SV2B: variants seen among roughly 807,000 people sequenced by gnomAD.
SV2B encodes solute carrier family 22 member B2.
Under a neutral mutation model 73.9 loss-of-function variants are expected in SV2B, and 41 were observed. The ratio of observed to expected loss-of-function variants is 0.56; its 90% confidence interval spans 0.43 to 0.72. SV2B has a LOEUF of 0.72. SV2B is among the 30% of genes least tolerant of loss of function. The probability of loss-of-function intolerance (pLI) is 0.00; values close to 1 mark genes in which losing one functional copy is unlikely to be tolerated. For synonymous variants in SV2B, 314 were observed against 314.2 expected (o/e 1.00, Z 0.01); for missense variants, 764 against 857.8 (o/e 0.89, Z 1.37).
rs1198742290 is a variant in SV2B at position 91,296,037 on chromosome 15, T to G, written c.*3485T>G. 1.3e-5 allele frequency: 2 copies of G among 152,222 alleles called. No individual in the cohort carries two copies. The highest frequency in any genetic ancestry group is 2.9e-5 in the Non-Finnish European group (2 of 68,030). The allele number at this position is 152,222 out of a possible 1,614,324, so 9.4% of individuals were successfully genotyped here. On this transcript the variant is annotated 3_prime_UTR_variant, in exon 13 of 13. Coordinates refer to ENST00000394232, the MANE Select transcript of SV2B (RefSeq NM_001323032.3). ...CCAAATGTGGTGGCTCCCTCTTATTTTTTTTTCTTTGAGGAGTGTACCAAT... is the reference window on the plus strand; with the variant it reads ...CCAAATGTGGTGGCTCCCTCTTATTGTTTTTTCTTTGAGGAGTGTACCAAT...
At position 91,204,383 on chromosome 15, in the gene SV2B, G is replaced by A. The variant is rs111485144; in HGVS notation, c.-391-21490G>A. The stretch of plus-strand genomic sequence containing the variant: ...AGTGCTACTGTAATAGGCAGTGTAG[G>A]AACTTCTACTAGATAGCACATGAAG... On this transcript the variant is annotated intron_variant, in intron 1 of 12. Transcript: ENST00000394232. Among the ~76,000 whole-genome samples the A allele has an allele frequency of 4.7e-3, 718 of 152,090 alleles. 5 individuals are homozygous for A. The highest frequency in any genetic ancestry group is 0.016 in the African/African-American group (682 of 41,498).
intron 1 of SV2B, among the ~76,000 whole-genome samples, chr15:91,127,162 G>C (rs1313659566): frequency 6.6e-6 from 1 of 152,192 alleles, no homozygotes; most frequent in Non-Finnish European, 1.5e-5. Flanking sequence ...AGGACTGAAT[G>C]AATGTCAAGC....
At chr15:91,260,905 A>G (rs1486894982) in intron 6 of SV2B, among the ~76,000 whole-genome samples, 1 of 152,206 alleles carries the variant, frequency 6.6e-6, no homozygotes, top group East Asian at 1.9e-4. Flanking sequence ...AGTATGGGTG[A>G]AACCACCCCC....
chr15:91,113,389 G>A (rs1289770464), intron 1 of SV2B, among the ~76,000 whole-genome samples: 3 of 152,192 alleles, frequency 2.0e-5, no homozygotes, highest in Non-Finnish European at 2.9e-5. Flanking sequence ...ACACATCTTA[G>A]AGTTTGTTTG....
In SV2B at chr15:91,302,355, A is replaced by T. The variant is rs2049467935; in HGVS notation, c.*9803A>T. On this transcript the variant is annotated 3_prime_UTR_variant, in exon 13 of 13. Coordinates refer to ENST00000394232, the MANE Select transcript of SV2B (RefSeq NM_001323032.3). ...TGAGCTTTAAAACTTTAGTAACCTG[A>T]TGATGGAGAGATCTGGGGGGTGCAG... 6.6e-6 allele frequency among the ~76,000 whole-genome samples: 1 copy of T among 152,132 alleles called. No homozygotes were observed. The highest frequency in any genetic ancestry group is 2.1e-4 in the South Asian group (1 of 4,810).
chr15:91,246,744 C>CCTCCTTCTT (rs2047247470), intron 2 of SV2B, among the ~76,000 whole-genome samples: 1 of 146,890 alleles, frequency 6.8e-6, no homozygotes, highest in South Asian at 2.1e-4. Context: ...TCCTCCTCCT[C>CCTCCTTCTT]CTCCTTCTTC....
chr15:91,185,935 C>T (rs2044753236), intron 1 of SV2B, among the ~76,000 whole-genome samples: 1 of 152,170 alleles, frequency 6.6e-6, no homozygotes, highest in South Asian at 2.1e-4. Flanking sequence ...CCTGACATTG[C>T]AGTGAGGTGT....
At chr15:91,169,179 C>T (rs533666665) in intron 1 of SV2B, among the ~76,000 whole-genome samples, 46 of 152,244 alleles carry the variant, frequency 3.0e-4, no homozygotes, top group African/African-American at 9.9e-4. Flanking sequence ...TCGGTTACTG[C>T]GTGGTTACTA....
Position 91,283,990 on chromosome 15 carries a change from A to C in SV2B, c.1508-31A>C. 6.2e-7 allele frequency: 1 copy of C among 1,611,146 alleles called. No individual in the cohort carries two copies. Among genetic ancestry groups the C allele is most frequent in the Non-Finnish European group, 8.5e-7 (1 of 1,177,682 alleles). On this transcript the variant is annotated intron_variant, in intron 10 of 12. Coordinates refer to ENST00000394232, the MANE Select transcript of SV2B (RefSeq NM_001323032.3). The surrounding 1 kb of genome is among the most constrained non-coding windows in gnomAD (Gnocchi z 4.3). ...TTCTCTCTCCAGCTCCCTTCCACTT[A>C]CATGAACCGAAGGTTTCCTTCTCTC...
chr15:91,204,135 G>C (rs2045555717), intron 1 of SV2B, among the ~76,000 whole-genome samples: 1 of 152,130 alleles, frequency 6.6e-6, no homozygotes, highest in African/African-American at 2.4e-5. Context: ...GTTTACCCTG[G>C]CTCTGGTAGG....
rs1010298980 is a variant in SV2B, at chr15:91,162,720, C to T, written c.-392+62357C>T. Among the ~76,000 whole-genome samples the T allele has an allele frequency of 2.6e-5, 4 of 152,070 alleles. No individual in the cohort carries two copies. In the South Asian group the frequency reaches 6.2e-4, roughly 24 times the overall value. The stretch of plus-strand genomic sequence containing the variant: ...AATTCAGCTCCTTGTGGTTGGAGGC[C>T]GAAGTTCCTGTTTCATTGCTGGTTG... On this transcript the variant is annotated intron_variant, in intron 1 of 12. Coordinates refer to ENST00000394232, the MANE Select transcript of SV2B (RefSeq NM_001323032.3).
At position 91,292,682 on chromosome 15, in the gene SV2B, C is replaced by T; in HGVS notation, c.*130C>T. The T allele has an allele frequency of 8.6e-7, 1 of 1,157,942 alleles. No homozygotes were observed. The allele number at this position is 1,157,942 out of a possible 1,614,324, so 71.7% of individuals were successfully genotyped here. On this transcript the variant is annotated 3_prime_UTR_variant, in exon 13 of 13. Transcript: ENST00000394232. ...GGAGGAGAAGTTGACTTTGTGACCC[C>T]TAGTTTAGGACCCACTTCAGCTGTC...
intron 9 of SV2B, among the ~76,000 whole-genome samples, chr15:91,273,863 T>G (rs2048397140): frequency 6.6e-6 from 1 of 152,226 alleles, no homozygotes; most frequent in Admixed American, 6.5e-5. Context: ...CATTCACGCA[T>G]TTTTTACACT....
chr15:91,246,083 ATC>A, intron 2 of SV2B, among the ~76,000 whole-genome samples: 1 of 141,666 alleles, frequency 7.1e-6, no homozygotes, highest in African/African-American at 2.6e-5. Context: ...AAAAAAAAAA[ATC>A]CCCCCTTCAA....
chr15:91,103,508 C>G (rs1354616715), intron 1 of SV2B, among the ~76,000 whole-genome samples: 1 of 152,172 alleles, frequency 6.6e-6, no homozygotes, highest in Non-Finnish European at 1.5e-5. Flanking sequence ...AATGCATTTA[C>G]ATAATATCAT....
intron 2 of SV2B, among the ~76,000 whole-genome samples, chr15:91,230,244 TAA>T (rs199512896): frequency 2.3e-4 from 30 of 129,750 alleles, no homozygotes; most frequent in Non-Finnish European, 2.7e-4. Context: ...TTGTCTCATT[TAA>T]AAAAAAAAAA....
At position 91,130,136 on chromosome 15, in the gene SV2B, T is replaced by C. The variant is rs1006277221; in HGVS notation, c.-392+29773T>C. 6.6e-6 allele frequency among the ~76,000 whole-genome samples: 1 copy of C among 152,076 alleles called. No individual in the cohort carries two copies. Among genetic ancestry groups the C allele is most frequent in the Non-Finnish European group, 1.5e-5 (1 of 68,024 alleles). On this transcript the variant is annotated intron_variant, in intron 1 of 12. Transcript: ENST00000394232. The surrounding 1 kb of genome is among the most constrained non-coding windows in gnomAD (Gnocchi z 5.6). ...TAGGAGAAAGGAAAGGAGAGATGGA[T>C]GAGATGATTCTTAATGCTGAGATGA... is the stretch of plus-strand genomic sequence containing the variant.
intron 1 of SV2B, among the ~76,000 whole-genome samples, chr15:91,120,549 C>G (rs1324329883): frequency 6.6e-6 from 1 of 152,092 alleles, no homozygotes; most frequent in East Asian, 1.9e-4. Context: ...CGGTGGCTCA[C>G]ATGCCTGTAA....
rs1307530602 is a variant in SV2B, at chr15:91,140,597, T to C, written c.-392+40234T>C. On this transcript the variant is annotated intron_variant, in intron 1 of 12. Transcript: ENST00000394232. The surrounding 1 kb of genome is among the most constrained non-coding windows in gnomAD (Gnocchi z 4.4). Reference sequence around the variant, plus strand: ...AACCCGAGGCCTGAGGAGTAGCCCATTGCTCTCCTCTTTGATCTCCTCCAA... The same window carrying C: ...AACCCGAGGCCTGAGGAGTAGCCCACTGCTCTCCTCTTTGATCTCCTCCAA... Among the ~76,000 whole-genome samples, 1 of 152,194 alleles carries C rather than the reference T, an allele frequency of 6.6e-6. No homozygotes were observed. The highest frequency in any genetic ancestry group is 2.4e-5 in the African/African-American group (1 of 41,458).
Sources: gnomAD v4.1 joint callset for allele counts (sites outside exome capture counted in the v4.1 genomes callset) on GRCh38, gnomAD v4.1.1 for gene constraint, Gnocchi (gnomAD v3.1) non-coding constraint, MANE v1.5 for transcripts, NCBI Gene and HGNC (gene_info 2026-07-23, HGNC 2026-07-21) for gene names.